TMEM165: variants seen among roughly 807,000 people sequenced by gnomAD.
The protein encoded by TMEM165 is transmembrane protein 165.
In TMEM165, 19 loss-of-function variants were observed where a neutral mutation model predicts 30.0. The ratio of observed to expected loss-of-function variants is 0.63; its 90% confidence interval spans 0.44 to 0.93. The LOEUF (loss-of-function observed/expected upper bound fraction) is 0.93. Among genes scored for constraint, TMEM165 ranks in the 40% least tolerant of loss-of-function variants. The pLI is 0.00. For missense variants in TMEM165, 340 were observed against 417.0 expected, an observed-to-expected ratio of 0.82 and a Z score of 1.61; for synonymous variants, 168 against 162.9, an observed-to-expected ratio of 1.03 and a Z score of -0.24.
chr4:55,444,562 G>A, intron 3 of TMEM165: 1 of 1,589,092 alleles, frequency 6.3e-7, no homozygotes, highest in East Asian at 2.2e-5. Context: ...TTTTAATTAA[G>A]AAAAGTTAAT....
At chr4:55,435,439 G>A in intron 3 of TMEM165, 1 of 1,613,994 alleles carries the variant, frequency 6.2e-7, no homozygotes, top group Non-Finnish European at 8.5e-7. Flanking sequence ...CCTTGGAAGG[G>A]TCGGGCAAGC....
At chr4:55,450,876 T>C (rs12499699) in intron 3 of TMEM165, among the ~76,000 whole-genome samples, 3,872 of 152,152 alleles carry the variant, frequency 0.025, 61 homozygotes, top group South Asian at 0.069. Context: ...GGTGAATGCC[T>C]GCGGTGCCAA....
chr4:55,430,389 TAGG>T (rs1455486293), downstream of TMEM165: 1 of 152,136 alleles, frequency 6.6e-6, no homozygotes, highest in Non-Finnish European at 1.5e-5. Flanking sequence ...TGTTATGACA[TAGG>T]GGGAAAAAAC....
intron 3 of TMEM165, among the ~76,000 whole-genome samples, chr4:55,445,498 G>T (rs1723734507): frequency 6.6e-6 from 1 of 151,286 alleles, no homozygotes; most frequent in South Asian, 2.1e-4. Context: ...CTTGTGGGGA[G>T]TCTTCTAAGT....
chr4:55,435,386 C>G, intron 3 of TMEM165: 1 of 1,611,268 alleles, frequency 6.2e-7, no homozygotes, highest in Admixed American at 1.7e-5. Context: ...CCCCTTCCTC[C>G]CTTGATGTCA....
In TMEM165 at chr4:55,425,625, G is replaced by C. The variant is rs1489155213; in HGVS notation, c.*173G>C. ...AATCATTGATTCTATTTGTAACAAGGAGTTTTAAAAGAAACCTGACTTCTA... is the reference window on the plus strand; with the variant it reads ...AATCATTGATTCTATTTGTAACAAGCAGTTTTAAAAGAAACCTGACTTCTA... On this transcript the variant is annotated 3_prime_UTR_variant, in exon 6 of 6. Coordinates refer to ENST00000381334, the MANE Select transcript of TMEM165 (RefSeq NM_018475.5). 1 of 547,230 alleles carries C rather than the reference G, an allele frequency of 1.8e-6. No individual in the cohort carries two copies. Among genetic ancestry groups the C allele is most frequent in the Non-Finnish European group, 3.1e-6 (1 of 317,848 alleles). The allele number at this position is 547,230 out of a possible 1,614,324, so 33.9% of individuals were successfully genotyped here. A position where few individuals can be genotyped will look rare whatever the true frequency, so the allele number is the denominator to read the frequency against.
intron 1 of TMEM165, among the ~76,000 whole-genome samples, chr4:55,407,156 G>A (rs1351483160): frequency 6.6e-6 from 1 of 152,154 alleles, no homozygotes; most frequent in Non-Finnish European, 1.5e-5. Flanking sequence ...GCTGGGATAG[G>A]CCTTTCTCAA....
At position 55,447,519 on chromosome 4, in the gene TMEM165, T is replaced by C. The variant is rs546020621; in HGVS notation, c.409-4720T>C. ...AGAAAATAGTAACAAACACAGAAGG[T>C]AGGATAACAGGAAGTAAAACCACAG... On this transcript the variant is annotated intron_variant, in intron 3 of 3. Coordinates refer to the TMEM165 transcript ENST00000608091. Among the ~76,000 whole-genome samples, 87 of 152,198 alleles carry C rather than the reference T, an allele frequency of 5.7e-4. 1 individual carries two copies. The highest frequency in any genetic ancestry group is 4.9e-3 in the Admixed American group (75 of 15,294).
At chr4:55,412,931 T>G (rs1721568807) in intron 2 of TMEM165, among the ~76,000 whole-genome samples, 1 of 152,048 alleles carries the variant, frequency 6.6e-6, no homozygotes, top group Non-Finnish European at 1.5e-5. Flanking sequence ...TTTAAAAAAT[T>G]GGAAATACAT....
chr4:55,407,766 A>G (rs1244283760), intron 1 of TMEM165, among the ~76,000 whole-genome samples: 2 of 152,248 alleles, frequency 1.3e-5, no homozygotes, highest in African/African-American at 2.4e-5. Context: ...AGTAACATGA[A>G]ATTAGTTTCA....
chr4:55,435,175 G>A (rs752609939), intron 3 of TMEM165: 5 of 528,046 alleles, frequency 9.5e-6, no homozygotes, highest in Non-Finnish European at 1.7e-5. Context: ...AAATATCCAG[G>A]CACCTAAAAC....
intron 2 of TMEM165, chr4:55,416,264 C>CT (rs1721716377): frequency 6.6e-6 from 1 of 152,118 alleles, no homozygotes; most frequent in Admixed American, 6.5e-5. Context: ...TGGTTTTGAA[C>CT]TTCTAGGCTC....
At chr4:55,417,018 C>G in intron 2 of TMEM165, 54 bp from the exon 3 acceptor site, 1 of 1,438,448 alleles carries the variant, frequency 7.0e-7, no homozygotes, top group Non-Finnish European at 9.4e-7. Flanking sequence ...GTTAACTGTT[C>G]CCTTGGTCGT....
At position 55,397,562 on chromosome 4, in the gene TMEM165, T is replaced by C. The variant is rs183374485; in HGVS notation, c.207+1166T>C. 3.3e-3 allele frequency among the ~76,000 whole-genome samples: 508 copies of C among 152,082 alleles called. 2 individuals carry two copies. The highest frequency in any genetic ancestry group is 0.011 in the African/African-American group (468 of 41,506). On this transcript the variant is annotated intron_variant, in intron 1 of 5. Coordinates refer to ENST00000381334, the MANE Select transcript of TMEM165 (RefSeq NM_018475.5). ...CTTCCCACCTTGGAGAACCAGCAGA[T>C]ACCTACTCTCTGTGAAGACTTCCCT...
chr4:55,450,230 G>C, intron 3 of TMEM165: 2 of 1,613,878 alleles, frequency 1.2e-6, no homozygotes, highest in East Asian at 2.2e-5. Flanking sequence ...CAGAATCTTG[G>C]CTCTATGGAG....
intron 1 of TMEM165, among the ~76,000 whole-genome samples, chr4:55,398,100 C>G (rs984604450): frequency 1.3e-5 from 2 of 152,172 alleles, no homozygotes; most frequent in African/African-American, 2.4e-5. Context: ...TGTTGTTTTT[C>G]TGTGTAAGAC....
chr4:55,444,176 C>A (rs3736545), intron 3 of TMEM165, among the ~76,000 whole-genome samples: 1 of 151,948 alleles, frequency 6.6e-6, no homozygotes, highest in Non-Finnish European at 1.5e-5. Context: ...TATAACATCA[C>A]ACAGAAGTAG....
At chr4:55,451,541 C>T (rs1213706745) in intron 3 of TMEM165, among the ~76,000 whole-genome samples, 1 of 152,164 alleles carries the variant, frequency 6.6e-6, no homozygotes, top group Admixed American at 6.5e-5. Context: ...CTCAGAAGGA[C>T]CTCGTCCCTA....
chr4:55,396,619 C>T (rs892790223), intron 1 of TMEM165, among the ~76,000 whole-genome samples: 1 of 152,176 alleles, frequency 6.6e-6, no homozygotes, highest in Non-Finnish European at 1.5e-5. Flanking sequence ...GAGGAGCCCG[C>T]TATAAACGTT....
Sources: allele counts gnomAD v4.1 joint callset (sites outside exome capture counted in the v4.1 genomes callset), GRCh38; gene constraint gnomAD v4.1.1; transcripts MANE v1.5; gene names NCBI Gene and HGNC (gene_info 2026-07-23, HGNC 2026-07-21).